The following BCHE variants were observed in gnomAD, a reference collection of about 807,000 sequenced individuals.
BCHE encodes cholinesterase.
In BCHE, 48 loss-of-function variants were observed where a neutral mutation model predicts 51.3. The observed-to-expected ratio is 0.94, with a 90% CI of 0.74 to 1.19. The LOEUF (loss-of-function observed/expected upper bound fraction) is 1.19. Among genes scored for constraint, BCHE ranks in the 50% most tolerant of loss-of-function variants. BCHE has a pLI of 0.00. For synonymous variants in BCHE, 251 were observed against 238.0 expected (o/e 1.05, Z -0.50); for missense variants, 847 against 708.2 (o/e 1.20, Z -2.23).
chr3:165,829,488 A>C (rs1714860280), intron 2 of BCHE, 29 bp downstream of exon 2: 5 of 1,582,584 alleles, frequency 3.2e-6, no homozygotes, highest in Non-Finnish European at 4.3e-6. Context: ...AAACCAAGCC[A>C]GAGAACAATG....
intron 3 of BCHE, among the ~76,000 whole-genome samples, chr3:165,780,774 A>T (rs753921431): frequency 3.3e-5 from 5 of 152,210 alleles, no homozygotes; most frequent in Non-Finnish European, 7.3e-5. Flanking sequence ...GATGCTGGTG[A>T]GGCTGTGGAG....
At chr3:165,806,454 G>A (rs1713867580) in intron 2 of BCHE, among the ~76,000 whole-genome samples, 1 of 152,056 alleles carries the variant, frequency 6.6e-6, no homozygotes, top group East Asian at 1.9e-4. Context: ...CTTATTTGCT[G>A]TTATCTGCCA....
intron 3 of BCHE, among the ~76,000 whole-genome samples, chr3:165,777,048 T>C (rs1331458698): frequency 6.6e-6 from 1 of 151,820 alleles, no homozygotes; most frequent in Non-Finnish European, 1.5e-5. Flanking sequence ...TTGGCAAATG[T>C]ATAGCAGGCA....
chr3:165,782,272 A>G (rs1712737382), intron 3 of BCHE, among the ~76,000 whole-genome samples: 1 of 152,136 alleles, frequency 6.6e-6, no homozygotes, highest in South Asian at 2.1e-4. Flanking sequence ...AAATGTCACC[A>G]AGTCTTGTTG....
intron 2 of BCHE, among the ~76,000 whole-genome samples, 153 bp from the exon 3 acceptor site, chr3:165,786,464 G>T (rs1198182633): frequency 1.3e-5 from 2 of 151,618 alleles, no homozygotes. Flanking sequence ...ATGTGAACTG[G>T]GCTTAGTGGT....
At chr3:165,828,485 G>C (rs1485589479) in intron 2 of BCHE, among the ~76,000 whole-genome samples, 1 of 152,110 alleles carries the variant, frequency 6.6e-6, no homozygotes, top group Non-Finnish European at 1.5e-5. Flanking sequence ...ACAGTAACAT[G>C]AAATACAAAG....
At chr3:165,791,095 C>T (rs1713146686) in intron 2 of BCHE, among the ~76,000 whole-genome samples, 1 of 151,938 alleles carries the variant, frequency 6.6e-6, no homozygotes, top group South Asian at 2.1e-4. Flanking sequence ...AGAAGTTCAA[C>T]ACCAGCCTGG....
intron 2 of BCHE, among the ~76,000 whole-genome samples, chr3:165,815,750 T>C (rs893549974): frequency 4.6e-5 from 7 of 152,056 alleles, no homozygotes; most frequent in Admixed American, 4.6e-4. Flanking sequence ...TATTACTACA[T>C]ATTCATTATA....
chr3:165,784,442 A>C (rs1158089546), intron 3 of BCHE, among the ~76,000 whole-genome samples: 2 of 151,994 alleles, frequency 1.3e-5, no homozygotes, highest in African/African-American at 2.4e-5. Flanking sequence ...TAATTAGAAA[A>C]AATGGTATAA....
chr3:165,829,001 C>T (rs887996431), intron 2 of BCHE, among the ~76,000 whole-genome samples: 2 of 151,988 alleles, frequency 1.3e-5, no homozygotes, highest in Non-Finnish European at 2.9e-5. Flanking sequence ...AAAAACCAAA[C>T]AATACAATGG....
intron 2 of BCHE, among the ~76,000 whole-genome samples, chr3:165,796,912 G>A (rs1009755099): frequency 7.9e-5 from 12 of 152,036 alleles, no homozygotes; most frequent in African/African-American, 2.7e-4. Flanking sequence ...TTGGTATGAT[G>A]GATGAACAAA....
intron 3 of BCHE, among the ~76,000 whole-genome samples, chr3:165,782,957 G>A (rs886942765): frequency 2.2e-4 from 33 of 151,984 alleles, no homozygotes; most frequent in Admixed American, 2.2e-3. Context: ...CAGCACCTTA[G>A]TGGTTAGGAT....
chr3:165,788,212 G>T (rs148092260), intron 2 of BCHE, among the ~76,000 whole-genome samples: 2 of 152,080 alleles, frequency 1.3e-5, no homozygotes, highest in South Asian at 2.1e-4. Flanking sequence ...TCAAGAGGCA[G>T]ATTTTTGCCA....
At chr3:165,796,256 T>G (rs928111558) in intron 2 of BCHE, among the ~76,000 whole-genome samples, 1 of 152,174 alleles carries the variant, frequency 6.6e-6, no homozygotes, top group South Asian at 2.1e-4. Flanking sequence ...AGACCAATTA[T>G]GATATAATAT....
At chr3:165,806,670 T>C (rs1051418827) in intron 2 of BCHE, among the ~76,000 whole-genome samples, 5 of 152,142 alleles carry the variant, frequency 3.3e-5, no homozygotes, top group African/African-American at 1.2e-4. Flanking sequence ...ACATTCATAA[T>C]GTTGGATAAA....
chr3:165,834,757 T>C (rs1437589645), intron 1 of BCHE, among the ~76,000 whole-genome samples: 1 of 151,876 alleles, frequency 6.6e-6, no homozygotes, highest in Non-Finnish European at 1.5e-5. Flanking sequence ...GATTAGGATA[T>C]TCAACAAAAC....
chr3:165,824,766 T>A (rs1714657553), intron 2 of BCHE, among the ~76,000 whole-genome samples: 1 of 151,964 alleles, frequency 6.6e-6, no homozygotes, highest in South Asian at 2.1e-4. Flanking sequence ...ATAAAACTGT[T>A]AGGGATAAAT....
intron 2 of BCHE, chr3:165,827,896 G>A: frequency 2.9e-6 from 1 of 342,542 alleles, no homozygotes; most frequent in Non-Finnish European, 5.7e-6. Flanking sequence ...CACATATCTT[G>A]AAAAGGCAAT....
At chr3:165,810,799 T>C (rs894105319) in intron 2 of BCHE, among the ~76,000 whole-genome samples, 1 of 152,100 alleles carries the variant, frequency 6.6e-6, no homozygotes, top group African/African-American at 2.4e-5. Flanking sequence ...AATATTTTGG[T>C]CTTTAGTATA....
Sources: allele counts gnomAD v4.1 joint callset (sites outside exome capture counted in the v4.1 genomes callset), GRCh38; gene constraint gnomAD v4.1.1; transcripts MANE v1.5; gene names NCBI Gene and HGNC (gene_info 2026-07-23, HGNC 2026-07-21).